The following ASMTL variants were observed in gnomAD, a reference collection of about 807,000 sequenced individuals.
ASMTL encodes probable bifunctional dTTP/UTP pyrophosphatase/methyltransferase protein.
A neutral mutation model predicts 60.3 loss-of-function variants in ASMTL; 57 were observed. That is an observed-to-expected ratio of 0.95 (90% CI 0.76 to 1.18). The LOEUF (loss-of-function observed/expected upper bound fraction) is 1.18, where lower values mean the gene tolerates loss of function less well. Among genes scored for constraint, ASMTL ranks in the 50% most tolerant of loss-of-function variants. The probability of loss-of-function intolerance (pLI) is 0.00; values close to 1 mark genes in which losing one functional copy is unlikely to be tolerated. For missense variants in ASMTL, 981 were observed against 852.6 expected (o/e 1.15, Z -1.88); for synonymous variants, 419 against 373.0 (o/e 1.12, Z -1.42).
intron 3 of ASMTL, among the ~76,000 whole-genome samples, chrX:1,436,382 T>A (rs1222872539): frequency 6.6e-6 from 1 of 151,952 alleles, no homozygotes; most frequent in Non-Finnish European, 1.5e-5. Context: ...AGACAGAGTC[T>A]CGCTCTATCA....
chrX:1,414,846 T>C (rs5025696), intron 11 of ASMTL, among the ~76,000 whole-genome samples: 145,393 of 152,068 alleles, frequency 0.96, 69,740 homozygotes, highest in East Asian at 1. Flanking sequence ...CAGGAACCTC[T>C]GGGGGAGGGT....
At chrX:1,411,124 C>T (rs1220700260) in intron 12 of ASMTL, among the ~76,000 whole-genome samples, 138 of 152,034 alleles carry the variant, frequency 9.1e-4, no homozygotes, top group Non-Finnish European at 1.5e-3. Context: ...GTGGAGGTTA[C>T]GGAGAGCCAA....
intron 1 of ASMTL, among the ~76,000 whole-genome samples, chrX:1,450,473 G>A (rs1431435185): frequency 6.8e-6 from 1 of 146,498 alleles, no homozygotes; most frequent in African/African-American, 2.5e-5. Context: ...CCCATTCCTA[G>A]GGGTCTTGGA....
At chrX:1,414,243 C>G (rs2090152511) in intron 11 of ASMTL, among the ~76,000 whole-genome samples, 1 of 152,118 alleles carries the variant, frequency 6.6e-6, no homozygotes, top group South Asian at 2.1e-4. Context: ...CCAGAGGGAG[C>G]ACAGCCCTGA....
chrX:1,438,410 C>G (rs764291763), intron 3 of ASMTL, among the ~76,000 whole-genome samples: 5 of 152,362 alleles, frequency 3.3e-5, no homozygotes, highest in Non-Finnish European at 7.3e-5. Context: ...CCAACAGCCT[C>G]TAGGAGCTGG....
At position 1,418,008 on chromosome X, in the gene ASMTL, G is replaced by A. The variant is rs2090359748; in HGVS notation, c.1487C>T (p.Pro496Leu). 1.2e-6 allele frequency: 2 copies of A among 1,613,348 alleles called. No individual in the cohort carries two copies. Among genetic ancestry groups the A allele is most frequent in the Non-Finnish European group, 8.5e-7 (1 of 1,179,600 alleles). ...GTGGATCTGCACTGCCTGCGGTCCG[G>A]GGGGTTGGAAGTGGGCGGCCAGCTC... ...IIELAAHFQPPGPQAVQIHFA... is the reference protein window; with the variant it reads ...IIELAAHFQPLGPQAVQIHFA... The change falls in exon 11 of 13, where the codon CCC (proline) becomes CTC (leucine). Residue 496 changes from proline to leucine, a missense_variant. Coordinates refer to ENST00000381317, the MANE Select transcript of ASMTL (RefSeq NM_004192.4).
Position 1,418,997 on chromosome X carries a change from C to G in ASMTL, c.1363G>C (p.Ala455Pro), listed in dbSNP as rs201674322. Residue 455 changes from alanine to proline, a missense_variant, in exon 10 of 13, where the codon GCC (alanine) becomes CCC (proline). Physicochemically the swap from Ala to Pro is conservative, Grantham distance 27 (BLOSUM62 -1). Transcript: ENST00000381317. ...TAFNLSRFSS[A>P]CDVGGCTGAL... ...GGCCACCCACCTCCCACGTCGCAGG[C>G]GGAGGAGAAGCGGGACAGATTGAAG... The G allele has an allele frequency of 1.9e-6, 3 of 1,611,706 alleles. No individual in the cohort carries two copies. The African/African-American group carries it at 4.0e-5, about 22-fold the overall frequency.
chrX:1,430,896 TTA>T (rs1287100069), intron 6 of ASMTL, among the ~76,000 whole-genome samples: 5 of 143,860 alleles, frequency 3.5e-5, no homozygotes, highest in African/African-American at 1.3e-4. Flanking sequence ...TTTTATATAA[TTA>T]TATATTTATA....
chrX:1,453,710 G>T (rs1388392676), upstream of ASMTL: 1 of 151,560 alleles, frequency 6.6e-6, no homozygotes, highest in Non-Finnish European at 1.5e-5. Context: ...GACCCGGTGC[G>T]AGTGGCGTGG....
chrX:1,452,888 C>A lies in ASMTL; in HGVS notation c.-48G>T. 2.9e-6 allele frequency: 4 copies of A among 1,393,538 alleles called. No homozygotes were observed. The highest frequency in any genetic ancestry group is 2.9e-6 in the Non-Finnish European group (3 of 1,044,990). 86.3% of individuals were successfully genotyped at this position (1,393,538 alleles called of 1,614,324 possible). Reference sequence around the variant, plus strand: ...CGTCCGCACTTCTGAGCCCGGAGCCCGCGGTGCGCGCAGCGCGGCTGCAAA... The same window carrying A: ...CGTCCGCACTTCTGAGCCCGGAGCCAGCGGTGCGCGCAGCGCGGCTGCAAA... On this transcript the variant is annotated 5_prime_UTR_variant, in exon 1 of 13. Coordinates refer to ENST00000381317, the MANE Select transcript of ASMTL (RefSeq NM_004192.4).
rs1194442615 is a variant in ASMTL at position 1,432,184 on chromosome X, C to A, written c.509+85G>T. On this transcript the variant is annotated intron_variant, in intron 6 of 12. Transcript: ENST00000381317. The stretch of plus-strand genomic sequence containing the variant: ...CCCGGAGCGGGGCCTCCTTCTTTCC[C>A]AAAGGCTGGGTGGGACACCCCACGT... 5.1e-6 allele frequency: 6 copies of A among 1,184,860 alleles called. No individual in the cohort carries two copies. In the African/African-American group the frequency reaches 7.6e-5, roughly 15 times the overall value. 73.4% of individuals were successfully genotyped at this position (1,184,860 alleles called of 1,614,324 possible). A position where few individuals can be genotyped will look rare whatever the true frequency, so the allele number is the denominator to read the frequency against.
At position 1,442,271 on chromosome X, in the gene ASMTL, T is replaced by A; in HGVS notation, c.140A>T (p.Asp47Val). Residue 47 changes from aspartate (D) to valine (V), a missense_variant, in exon 2 of 13, where the codon GAC becomes GTC. Transcript: ENST00000381317. Reference sequence around the variant, plus strand: ...ATACGGAGTAGCGAAGGAGGCTTTGTCCAGCTTCTCTTTAAACTTGGAGGG... The same window carrying A: ...ATACGGAGTAGCGAAGGAGGCTTTGACCAGCTTCTCTTTAAACTTGGAGGG... ...VVPSKFKEKL[D>V]KASFATPYGY... 6.2e-7 allele frequency: 1 copy of A among 1,613,876 alleles called. No homozygotes were observed.
At chrX:1,445,137 A>C (rs2091206285) in intron 1 of ASMTL, among the ~76,000 whole-genome samples, 1 of 152,108 alleles carries the variant, frequency 6.6e-6, no homozygotes, top group Non-Finnish European at 1.5e-5. Context: ...ACCCAGGAAA[A>C]GTCAGGTCGG....
In ASMTL at chrX:1,427,983, A is replaced by G. The variant is rs5948863; in HGVS notation, c.648T>C (p.Arg216=). Residue 216 remains arginine, a synonymous_variant, in exon 7 of 13, where the codon CGT becomes CGC. Transcript: ENST00000381317. ...TGACACTCCGCCGCAGGTCCTCCGG[A>G]CGGGGCGGGTAGTAGAGCTTCACCA... ...KQLVKLYYPP[R]PEDLRRSVKH... 0.7 allele frequency: 1,130,052 copies of G among 1,613,084 alleles called. 398,516 individuals are homozygous for G. The highest frequency in any genetic ancestry group is 0.85 in the East Asian group (38,020 of 44,846).
chrX:1,427,916 T>C lies in ASMTL; in HGVS notation c.715A>G (p.Ser239Gly), dbSNP rs772076899. The C allele has an allele frequency of 2.5e-6, 4 of 1,613,360 alleles. No individual in the cohort carries two copies. The highest frequency in any genetic ancestry group is 3.4e-6 in the Non-Finnish European group (4 of 1,179,816). Residue 239 changes from serine (S) to glycine (G), a missense_variant, in exon 7 of 13, where the codon AGT (serine) becomes GGT (glycine). Coordinates refer to ENST00000381317, the MANE Select transcript of ASMTL (RefSeq NM_004192.4). ...IPAADTFEDL[S>G]DVEGGGSEPT... ...TCCGAGCCGCCCCCCTCCACGTCAC[T>C]GAGGTCTTCGAAGGTGTCCGCGGCC...
chrX:1,426,709 C>T (rs753477460), intron 7 of ASMTL, among the ~76,000 whole-genome samples: 145 of 152,240 alleles, frequency 9.5e-4, no homozygotes, highest in Non-Finnish European at 1.6e-3. Context: ...AAAAATTAGC[C>T]GGGCTTGGTG....
chrX:1,435,585 C>CAGCACAGCTCAGAT (rs1470394453), intron 4 of ASMTL, 109 bp downstream of exon 4: 22 of 1,042,554 alleles, frequency 2.1e-5, no homozygotes, highest in African/African-American at 9.4e-5. Flanking sequence ...ACAGCTCAGA[C>CAGCACAGCTCAGAT]GGCAGAGCTG....
At chrX:1,432,024 C>G in intron 6 of ASMTL, 1 of 576,134 alleles carries the variant, frequency 1.7e-6, no homozygotes, top group Non-Finnish European at 3.1e-6. Context: ...CCCCAGTCCC[C>G]ACCGCAGCCC....
At chrX:1,417,748 G>A (rs59384133) in intron 11 of ASMTL, among the ~76,000 whole-genome samples, 139,721 of 150,150 alleles carry the variant, frequency 0.93, 65,549 homozygotes, top group East Asian at 1. Context: ...ACATGCTCAC[G>A]CACAGACATG....
Sources: allele counts gnomAD v4.1 joint callset (sites outside exome capture counted in the v4.1 genomes callset), GRCh38; gene constraint gnomAD v4.1.1; transcripts MANE v1.5; gene names NCBI Gene and HGNC (gene_info 2026-07-23, HGNC 2026-07-21).